The following GOT2 variants were observed in gnomAD, a reference collection of about 807,000 sequenced individuals.
The protein encoded by GOT2 is aspartate aminotransferase, mitochondrial.
GOT2 carries 17 observed loss-of-function variants against 50.0 expected under a neutral mutation model. The ratio of observed to expected loss-of-function variants is 0.34; its 90% CI spans 0.23 to 0.51. GOT2 has a LOEUF of 0.51. Among genes scored for constraint, GOT2 ranks in the 20% least tolerant of loss-of-function variants. The pLI is 0.97. For synonymous variants in GOT2, 172 were observed against 204.9 expected, an observed-to-expected ratio of 0.84 and a Z score of 1.37; for missense variants, 430 against 559.6, an observed-to-expected ratio of 0.77 and a Z score of 2.34.
intron 6 of GOT2, among the ~76,000 whole-genome samples, chr16:58,717,720 T>G (rs1378010353): frequency 6.6e-6 from 1 of 152,240 alleles, no homozygotes; most frequent in Non-Finnish European, 1.5e-5. Flanking sequence ...GACAGAGTTT[T>G]GCTCTTGTTG....
At chr16:58,731,892 T>C (rs912757993) in intron 1 of GOT2, among the ~76,000 whole-genome samples, 2 of 152,348 alleles carry the variant, frequency 1.3e-5, no homozygotes, top group South Asian at 2.1e-4. Flanking sequence ...TAAAGATCAC[T>C]TCCACAGTGT....
intron 8 of GOT2, among the ~76,000 whole-genome samples, chr16:58,714,270 G>A (rs1461187308): frequency 6.6e-6 from 1 of 152,070 alleles, no homozygotes; most frequent in Non-Finnish European, 1.5e-5. Context: ...TGGAGTGGAG[G>A]CTGGGCTTGG....
At chr16:58,716,619 C>T (rs1351340481) in intron 7 of GOT2, 44 bp downstream of exon 7, 3 of 1,588,758 alleles carry the variant, frequency 1.9e-6, no homozygotes. Context: ...GTGGCATTCT[C>T]TCCCAGCATG....
chr16:58,723,640 TA>T, intron 2 of GOT2, 105 bp downstream of exon 2: 1 of 914,588 alleles, frequency 1.1e-6, no homozygotes, highest in Non-Finnish European at 1.7e-6. Context: ...GTGCCAGAAC[TA>T]AAGCCCAGGG....
At chr16:58,711,913 C>T (rs2044651659) in intron 8 of GOT2, among the ~76,000 whole-genome samples, 1 of 152,120 alleles carries the variant, frequency 6.6e-6, no homozygotes, top group African/African-American at 2.4e-5. Context: ...GGGTGCTTCA[C>T]GATCTGCTCC....
chr16:58,709,254 C>T (rs1156938723), intron 9 of GOT2, 163 bp downstream of exon 9: 4 of 663,228 alleles, frequency 6.0e-6, no homozygotes, highest in Non-Finnish European at 9.7e-6. Context: ...CAGAGCGAGA[C>T]TGTCTCAAAA....
intron 4 of GOT2, 141 bp downstream of exon 4, chr16:58,719,055 A>AT (rs1420758356): frequency 1.8e-5 from 12 of 673,740 alleles, no homozygotes; most frequent in Non-Finnish European, 2.4e-5. Flanking sequence ...AAGTCCTTTC[A>AT]TTTTTTCATG....
rs28612351 is a variant in GOT2, at chr16:58,734,252, G to A, written c.-24C>T. 6.1e-3 allele frequency: 7,689 copies of A among 1,251,636 alleles called. 402 individuals carry two copies. In the African/African-American group the frequency reaches 0.11, roughly 17 times the overall value. The allele number at this position is 1,251,636 out of a possible 1,614,324, so 77.5% of individuals were successfully genotyped here. A position where few individuals can be genotyped will look rare whatever the true frequency, so the allele number is the denominator to read the frequency against. ...ATGGTGGACCGTAGGAGGGCAGTGGGCAGCCGCAGGACGGAGCAGAGGGCG... is the reference window on the plus strand; with the variant it reads ...ATGGTGGACCGTAGGAGGGCAGTGGACAGCCGCAGGACGGAGCAGAGGGCG... On this transcript the variant is annotated 5_prime_UTR_variant, in exon 1 of 10. Transcript: ENST00000245206.
At position 58,718,138 on chromosome 16, in the gene GOT2, A is replaced by G. The variant is rs1278104967; in HGVS notation, c.702+58T>C. 2.6e-6 allele frequency: 3 copies of G among 1,176,446 alleles called. No individual in the cohort carries two copies. In the East Asian group the frequency reaches 7.0e-5, roughly 27 times the overall value. The allele number at this position is 1,176,446 out of a possible 1,614,324, so 72.9% of individuals were successfully genotyped here. On this transcript the variant is annotated intron_variant, in intron 6 of 9. Transcript: ENST00000245206. ...TCTCTGTTGAGACATTGCCAAATTA[A>G]GCCTCCAAAGCTGGTTACTAAACAC... is the stretch of plus-strand genomic sequence containing the variant.
At chr16:58,709,745 ATAT>A (rs1367390901) in intron 8 of GOT2, among the ~76,000 whole-genome samples, 178 bp from the exon 9 acceptor site, 2 of 152,222 alleles carry the variant, frequency 1.3e-5, no homozygotes, top group Non-Finnish European at 2.9e-5. Flanking sequence ...ATTCTGTTTT[ATAT>A]TGGAACACTA....
At chr16:58,716,599 C>T (rs1168948512) in intron 7 of GOT2, 64 bp downstream of exon 7, 5 of 1,446,834 alleles carry the variant, frequency 3.5e-6, no homozygotes, top group Non-Finnish European at 4.8e-6. Context: ...CCCACAAGCT[C>T]TATGCCCTCG....
chr16:58,711,367 T>C (rs1307133204), intron 8 of GOT2, among the ~76,000 whole-genome samples: 3 of 152,292 alleles, frequency 2.0e-5, no homozygotes, highest in South Asian at 4.1e-4. Context: ...GAATACAACC[T>C]TCCCCTTCCT....
At chr16:58,709,136 C>A (rs1403007951) in intron 9 of GOT2, 3 of 261,226 alleles carry the variant, frequency 1.1e-5, no homozygotes, top group Non-Finnish European at 2.2e-5. Context: ...GTGGCACTCA[C>A]TTCTAGTCCC....
At chr16:58,719,670 G>C (rs1170114753) in intron 3 of GOT2, among the ~76,000 whole-genome samples, 1 of 152,098 alleles carries the variant, frequency 6.6e-6, no homozygotes, top group Non-Finnish European at 1.5e-5. Flanking sequence ...CATGAGAATT[G>C]CTTGAACCTG....
Position 58,708,071 on chromosome 16 carries a change from C to G in GOT2, c.*100G>C. 1 of 1,141,382 alleles carries G rather than the reference C, an allele frequency of 8.8e-7. No homozygotes were observed. The highest frequency in any genetic ancestry group is 1.3e-6 in the Non-Finnish European group (1 of 793,432). The allele number at this position is 1,141,382 out of a possible 1,614,324, so 70.7% of individuals were successfully genotyped here. A position where few individuals can be genotyped will look rare whatever the true frequency, so the allele number is the denominator to read the frequency against. On this transcript the variant is annotated 3_prime_UTR_variant, in exon 10 of 10. Coordinates refer to ENST00000245206, the MANE Select transcript of GOT2 (RefSeq NM_002080.4). ...ACACACTGTGGCTGAAAGAAATGAT[C>G]CACTCACCACCATCCACCCTCTCTC... is the stretch of plus-strand genomic sequence containing the variant.
intron 9 of GOT2, among the ~76,000 whole-genome samples, chr16:58,708,684 G>T (rs1567484104): frequency 6.6e-6 from 1 of 151,840 alleles, no homozygotes; most frequent in Non-Finnish European, 1.5e-5. Flanking sequence ...AAACAGATGG[G>T]GAAAAAGACA....
Position 58,722,218 on chromosome 16 carries a change from C to G in GOT2, c.307G>C (p.Ala103Pro), listed in dbSNP as rs1225797387. The G allele has an allele frequency of 2.5e-6, 4 of 1,612,638 alleles. No homozygotes were observed. The African/African-American group carries it at 5.3e-5, about 22-fold the overall frequency. The change falls in exon 3 of 10, where the codon GCT becomes CCT. Residue 103 changes from alanine (A) to proline (P), a missense_variant. By Grantham distance (27) the Ala-to-Pro change is conservative. Transcript: ENST00000245206. ...TCTGCAGATGCCTTGCAAAATTCAG[C>G]CAGTCCCCCAATGGGCAGGTATTCC... ...DKEYLPIGGL[A>P]EFCKASAELA...
At chr16:58,726,483 C>CTTTATTA (rs1555509481) in intron 1 of GOT2, among the ~76,000 whole-genome samples, 3 of 144,568 alleles carry the variant, frequency 2.1e-5, no homozygotes, top group African/African-American at 5.3e-5. Context: ...CCCCGGCCTG[C>CTTTATTA]TTTATTTATT....
intron 1 of GOT2, 42 bp from the exon 2 acceptor site, chr16:58,723,944 C>A (rs754572539): frequency 6.4e-7 from 1 of 1,557,780 alleles, no homozygotes; most frequent in African/African-American, 1.4e-5. Flanking sequence ...TTAGCTAGAT[C>A]CAAGATCCAT....
Sources: gnomAD v4.1 joint callset for allele counts (sites outside exome capture counted in the v4.1 genomes callset) on GRCh38, gnomAD v4.1.1 for gene constraint, MANE v1.5 for transcripts, NCBI Gene and HGNC (gene_info 2026-07-23, HGNC 2026-07-21) for gene names.